GPATCH11: variants seen among roughly 807,000 people sequenced by gnomAD.
The protein encoded by GPATCH11 is G patch domain-containing protein 11.
A neutral mutation model predicts 44.8 loss-of-function variants in GPATCH11; 32 were observed. The observed-to-expected ratio is 0.71, with a 90% CI of 0.54 to 0.96. The LOEUF (loss-of-function observed/expected upper bound fraction) is 0.96, where lower values mean the gene tolerates loss of function less well. Ranked by LOEUF, GPATCH11 falls within the 40% of genes least tolerant of loss-of-function variation. The pLI is 0.00. For missense variants in GPATCH11, 324 were observed against 303.1 expected (o/e 1.07, Z -0.51); for synonymous variants, 84 against 94.4 (o/e 0.89, Z 0.64).
intron 2 of GPATCH11, 146 bp from the exon 3 acceptor site, chr2:37,089,494 G>A: frequency 1.6e-6 from 1 of 628,622 alleles, no homozygotes. Context: ...TTGAACCCAG[G>A]AGGCGGAGGT....
Position 37,088,215 on chromosome 2 carries a change from G to C in GPATCH11, c.-13-154G>C, listed in dbSNP as rs1572976166. 9.2e-6 allele frequency: 4 copies of C among 434,018 alleles called. No homozygotes were observed. In the East Asian group the frequency reaches 1.4e-4, roughly 15 times the overall value. The allele number at this position is 434,018 out of a possible 1,614,324, so 26.9% of individuals were successfully genotyped here. ...AAAGGGGAAAGAAATGAGTTGTTTAGATTGTTGAGTTTGAAATGTCCACAG... is the reference window on the plus strand; with the variant it reads ...AAAGGGGAAAGAAATGAGTTGTTTACATTGTTGAGTTTGAAATGTCCACAG... On this transcript the variant is annotated intron_variant, in intron 1 of 8. Transcript: ENST00000674370.
chr2:37,099,095 G>A lies in GPATCH11; in HGVS notation c.*2832G>A, dbSNP rs993214386. 2 of 152,116 alleles carry A rather than the reference G, an allele frequency of 1.3e-5. No individual in the cohort carries two copies. The highest frequency in any genetic ancestry group is 2.9e-5 in the Non-Finnish European group (2 of 68,008). The allele number at this position is 152,116 out of a possible 1,614,324, so 9.4% of individuals were successfully genotyped here. A position where few individuals can be genotyped will look rare whatever the true frequency, so the allele number is the denominator to read the frequency against. ...TGTCATTTACTTTTGTGTATATTGT[G>A]CCATGTTTATTTTCAAAGTCCTATC... On this transcript the variant is annotated 3_prime_UTR_variant, in exon 9 of 9. Transcript: ENST00000674370.
At chr2:37,094,990 C>T (rs1673506106) in intron 7 of GPATCH11, among the ~76,000 whole-genome samples, 1 of 150,492 alleles carries the variant, frequency 6.6e-6, no homozygotes, top group African/African-American at 2.4e-5. Context: ...AAGGAAAACA[C>T]ACTCGTATGC....
intron 4 of GPATCH11, 145 bp from the exon 5 acceptor site, chr2:37,091,771 A>T: frequency 1.7e-6 from 1 of 583,452 alleles, no homozygotes; most frequent in Non-Finnish European, 2.8e-6. Context: ...AAAAAACCCT[A>T]GTGTTTTCTA....
At chr2:37,095,699 G>A (rs1428521588) in intron 8 of GPATCH11, among the ~76,000 whole-genome samples, 181 bp downstream of exon 8, 2 of 152,114 alleles carry the variant, frequency 1.3e-5, no homozygotes, top group Non-Finnish European at 2.9e-5. Context: ...TAACTTTTCA[G>A]AAACTGAATG....
chr2:37,084,691 C>T, intron 1 of GPATCH11, 121 bp downstream of exon 1: 3 of 764,002 alleles, frequency 3.9e-6, no homozygotes, highest in Non-Finnish European at 5.4e-6. Context: ...GTGGTTGCGT[C>T]TGTGGGACGC....
In GPATCH11 at chr2:37,096,756, T is replaced by C. The variant is rs1673605820; in HGVS notation, c.*493T>C. ...CTTTGCATTCTGAGACCAGTTAGCT[T>C]TCAAGGTCAGGGAAACCACCAGGGG... On this transcript the variant is annotated 3_prime_UTR_variant, in exon 9 of 9. Coordinates refer to ENST00000674370, the MANE Select transcript of GPATCH11 (RefSeq NM_174931.4). 6.4e-6 allele frequency: 1 copy of C among 157,352 alleles called. No individual in the cohort carries two copies. The highest frequency in any genetic ancestry group is 2.4e-5 in the African/African-American group (1 of 41,488). 9.7% of individuals were successfully genotyped at this position (157,352 alleles called of 1,614,324 possible).
At chr2:37,094,784 A>G (rs1435901646) in intron 7 of GPATCH11, among the ~76,000 whole-genome samples, 1 of 152,110 alleles carries the variant, frequency 6.6e-6, no homozygotes, top group African/African-American at 2.4e-5. Flanking sequence ...GTCTCTACTA[A>G]AAATACAAAA....
At position 37,084,557 on chromosome 2, in the gene GPATCH11, C is replaced by T; in HGVS notation, c.-27C>T. The stretch of plus-strand genomic sequence containing the variant: ...CTCTACGGCGCTGAACCGGGGCGAG[C>T]AGAGAGCTGTCAGGTAAGAGAGCTG... On this transcript the variant is annotated 5_prime_UTR_variant, in exon 1 of 9. It introduces an in-frame stop codon into an upstream open reading frame of the 5' UTR. Coordinates refer to ENST00000674370, the MANE Select transcript of GPATCH11 (RefSeq NM_174931.4). 2 of 1,232,408 alleles carry T rather than the reference C, an allele frequency of 1.6e-6. No individual in the cohort carries two copies. The highest frequency in any genetic ancestry group is 2.0e-6 in the Non-Finnish European group (2 of 988,164). 76.3% of individuals were successfully genotyped at this position (1,232,408 alleles called of 1,614,324 possible).
intron 1 of GPATCH11, among the ~76,000 whole-genome samples, chr2:37,087,787 T>C (rs1366852149): frequency 6.6e-6 from 1 of 152,190 alleles, no homozygotes; most frequent in Admixed American, 6.5e-5. Flanking sequence ...AATGAATCCT[T>C]AGGGACAGTT....
chr2:37,088,912 A>C (rs1673174958), intron 2 of GPATCH11, among the ~76,000 whole-genome samples: 1 of 152,222 alleles, frequency 6.6e-6, no homozygotes, highest in Admixed American at 6.5e-5. Flanking sequence ...ACTAGAATCT[A>C]CTTCCTCCTT....
intron 1 of GPATCH11, among the ~76,000 whole-genome samples, chr2:37,086,892 C>T (rs1673077268): frequency 6.6e-6 from 1 of 152,138 alleles, no homozygotes; most frequent in South Asian, 2.1e-4. Flanking sequence ...TTGACAGAAA[C>T]CCTACTTCAG....
chr2:37,096,132 C>A, intron 8 of GPATCH11, 76 bp from the exon 9 acceptor site: 1 of 874,514 alleles, frequency 1.1e-6, no homozygotes, highest in Admixed American at 3.1e-5. Context: ...TCAAAAAATG[C>A]ATGTTATGTT....
At chr2:37,088,677 C>G (rs1287345858) in intron 2 of GPATCH11, among the ~76,000 whole-genome samples, 1 of 152,134 alleles carries the variant, frequency 6.6e-6, no homozygotes, top group Non-Finnish European at 1.5e-5. Context: ...CCATCATGCC[C>G]GGCTAACTCT....
At chr2:37,086,026 C>T (rs1287117399) in intron 1 of GPATCH11, among the ~76,000 whole-genome samples, 2 of 152,178 alleles carry the variant, frequency 1.3e-5, no homozygotes, top group African/African-American at 2.4e-5. Flanking sequence ...CACTGACTTC[C>T]TTCAAGTGAG....
rs2148651029 is a variant in GPATCH11 at position 37,096,366 on chromosome 2, G to A, written c.*103G>A. The A allele has an allele frequency of 2.9e-6, 2 of 692,952 alleles. No homozygotes were observed. The highest frequency in any genetic ancestry group is 5.0e-6 in the Non-Finnish European group (2 of 399,484). The allele number at this position is 692,952 out of a possible 1,614,324, so 42.9% of individuals were successfully genotyped here. ...AAATTTTTTATGCCAGTAAAGAAAG[G>A]GGGACTTTATATAATGTTTTGTTCT... On this transcript the variant is annotated 3_prime_UTR_variant, in exon 9 of 9. Coordinates refer to ENST00000674370, the MANE Select transcript of GPATCH11 (RefSeq NM_174931.4).
At chr2:37,089,611 C>A in intron 2 of GPATCH11, 29 bp from the exon 3 acceptor site, 1 of 1,355,508 alleles carries the variant, frequency 7.4e-7, no homozygotes, top group Non-Finnish European at 1.0e-6. Flanking sequence ...TTTATGGACT[C>A]ATCTAAAATA....
At chr2:37,094,274 T>C in intron 7 of GPATCH11, 79 bp downstream of exon 7, 1 of 842,956 alleles carries the variant, frequency 1.2e-6, no homozygotes, top group Non-Finnish European at 2.0e-6. Context: ...AATCCGTTGT[T>C]GTGGAGAGCT....
intron 8 of GPATCH11, 122 bp downstream of exon 8, chr2:37,095,640 T>A: frequency 9.5e-7 from 1 of 1,057,094 alleles, no homozygotes; most frequent in African/African-American, 1.7e-5. Context: ...GGGACCAATT[T>A]CTTAAATAGT....
Sources: gnomAD v4.1 joint callset for allele counts (sites outside exome capture counted in the v4.1 genomes callset) on GRCh38, gnomAD v4.1.1 for gene constraint, MANE v1.5 for transcripts, NCBI Gene and HGNC (gene_info 2026-07-23, HGNC 2026-07-21) for gene names.